Variants in RPS6KA6 observed in about 807,000 individuals in gnomAD.
RPS6KA6 encodes the protein ribosomal protein S6 kinase alpha-6.
In RPS6KA6, 27 loss-of-function variants were observed where a neutral mutation model predicts 65.4. That is an observed-to-expected ratio of 0.41 (90% CI 0.30 to 0.57). The LOEUF (loss-of-function observed/expected upper bound fraction) is 0.57, where lower values mean the gene tolerates loss of function less well. Ranked by LOEUF, RPS6KA6 falls within the 20% of genes least tolerant of loss-of-function variation. The probability of loss-of-function intolerance (pLI) is 0.24; values close to 1 mark genes in which losing one functional copy is unlikely to be tolerated. For missense variants in RPS6KA6, 486 were observed against 555.6 expected, an observed-to-expected ratio of 0.87 and a Z score of 1.26; for synonymous variants, 190 against 184.2, an observed-to-expected ratio of 1.03 and a Z score of -0.26.
At chrX:84,167,577 T>C (rs907101644) in intron 1 of RPS6KA6, among the ~76,000 whole-genome samples, 1 of 111,640 alleles carries the variant, frequency 9.0e-6, no homozygotes, top group Non-Finnish European at 1.9e-5. Flanking sequence ...AAAAGAATAA[T>C]ATACTGATAC....
At chrX:84,097,747 A>G in intron 19 of RPS6KA6, 25 bp downstream of exon 19, 1 of 976,990 alleles carries the variant, frequency 1.0e-6, no homozygotes, top group Non-Finnish European at 1.5e-6. Context: ...AACAATGTTA[A>G]TGCTTTTGAA....
At chrX:84,123,906 C>T (rs183484929) in intron 8 of RPS6KA6, among the ~76,000 whole-genome samples, 124 of 111,255 alleles carry the variant, frequency 1.1e-3, no homozygotes, top group Non-Finnish European at 1.8e-3. Context: ...GTGCTGGCTT[C>T]CGGTTTGATT....
At chrX:84,064,542 C>T (rs1001318218) in intron 21 of RPS6KA6, 140 bp from the exon 22 acceptor site, 15 of 519,147 alleles carry the variant, frequency 2.9e-5, no homozygotes, top group Non-Finnish European at 4.3e-5. Flanking sequence ...TAGATCTGTG[C>T]ACTGATGAAT....
Position 84,064,294 on chromosome X carries a change from T to A in RPS6KA6, c.2221A>T (p.Thr741Ser). 1 of 1,208,507 alleles carries A rather than the reference T, an allele frequency of 8.3e-7. No homozygotes were observed. The highest frequency in any genetic ancestry group is 1.1e-6 in the Non-Finnish European group (1 of 893,878). ...CACAAATCTTACAGGCCAGTTGATG[T>A]TCGCTTTTTCATGCTCCGTCGCTGG... ...LAQRRSMKKR[T>S]STGL is the part of the protein sequence containing the mutation. Residue 741 changes from threonine to serine, a missense_variant, in exon 22 of 22, where the codon ACA becomes TCA. By Grantham distance (58) the Thr-to-Ser change is moderately conservative. Coordinates refer to ENST00000262752, the MANE Select transcript of RPS6KA6 (RefSeq NM_014496.5).
At position 84,058,744 on chromosome X, in the gene RPS6KA6, A is replaced by C. The variant is rs941457734; in HGVS notation, c.*5533T>G. 1 of 111,887 alleles carries C rather than the reference A, an allele frequency of 8.9e-6. No homozygotes were observed. Among genetic ancestry groups the C allele is most frequent in the Non-Finnish European group, 1.9e-5 (1 of 53,196 alleles). The allele number at this position is 111,887 out of a possible 1,213,427, so 9.2% of individuals were successfully genotyped here. On this transcript the variant is annotated 3_prime_UTR_variant, in exon 22 of 22. Transcript: ENST00000262752. ...GCTTTGAAGTTTTTAAGTACACGTA[A>C]ATCAAATTCACACACAACTTTTATT...
intron 20 of RPS6KA6, among the ~76,000 whole-genome samples, chrX:84,078,978 T>TA (rs1411633016): frequency 1.8e-5 from 2 of 111,079 alleles, no homozygotes; most frequent in East Asian, 2.8e-4. Context: ...TAAAAAAAAA[T>TA]AAAAAAACTC....
intron 1 of RPS6KA6, among the ~76,000 whole-genome samples, chrX:84,173,851 T>C (rs1385281037): frequency 1.8e-5 from 2 of 111,577 alleles, no homozygotes; most frequent in South Asian, 7.5e-4. Context: ...TATGTCATAC[T>C]GTTGTGGAAA....
chrX:84,163,307 G>A, intron 2 of RPS6KA6, among the ~76,000 whole-genome samples: 1 of 111,897 alleles, frequency 8.9e-6, no homozygotes, highest in Middle Eastern at 4.6e-3. Flanking sequence ...ATACAATGAA[G>A]TATTACATAA....
rs73625971 is a variant in RPS6KA6, at chrX:84,153,185, A to G, written c.258+2890T>C. ...GAGAGTTGATCACTTATTTAAGAGT[A>G]CAAGTATTCGATATTTTCAAAAATT... On this transcript the variant is annotated intron_variant, in intron 3 of 21. Coordinates refer to ENST00000262752, the MANE Select transcript of RPS6KA6 (RefSeq NM_014496.5). Among the ~76,000 whole-genome samples the G allele has an allele frequency of 8.4e-3, 943 of 112,094 alleles. 10 individuals carry two copies. Among genetic ancestry groups the G allele is most frequent in the African/African-American group, 0.028 (861 of 30,956 alleles).
chrX:84,169,486 C>T (rs1244225534), intron 1 of RPS6KA6, among the ~76,000 whole-genome samples: 1 of 110,018 alleles, frequency 9.1e-6, no homozygotes, highest in East Asian at 2.8e-4. Flanking sequence ...GGATAGTGAA[C>T]ATATGAATAC....
intron 8 of RPS6KA6, among the ~76,000 whole-genome samples, chrX:84,131,960 T>C (rs2034905918): frequency 8.9e-6 from 1 of 111,769 alleles, no homozygotes; most frequent in African/African-American, 3.3e-5. Flanking sequence ...AAAAGCAATC[T>C]CAGTGATTAG....
intron 18 of RPS6KA6, among the ~76,000 whole-genome samples, chrX:84,099,679 TATA>T (rs2034223283): frequency 1.8e-5 from 2 of 111,492 alleles, no homozygotes; most frequent in African/African-American, 6.5e-5. Context: ...TCAGTAGGCT[TATA>T]ATAACAGTTG....
rs929729680 is a variant in RPS6KA6 at position 84,061,835 on chromosome X, G to A, written c.*2442C>T. The A allele has an allele frequency of 1.8e-5, 2 of 111,543 alleles. No homozygotes were observed. The highest frequency in any genetic ancestry group is 3.8e-5 in the Non-Finnish European group (2 of 52,995). 9.2% of individuals were successfully genotyped at this position (111,543 alleles called of 1,213,427 possible). The stretch of plus-strand genomic sequence containing the variant: ...GAAAAGATGTGTTTTTACTAGTTAA[G>A]CATTGATAGAAGTCCCATCAAAAAA... On this transcript the variant is annotated 3_prime_UTR_variant, in exon 22 of 22. Coordinates refer to ENST00000262752, the MANE Select transcript of RPS6KA6 (RefSeq NM_014496.5).
intron 19 of RPS6KA6, 58 bp from the exon 20 acceptor site, chrX:84,096,369 G>T (rs1222057971): frequency 1.6e-5 from 8 of 503,976 alleles, no homozygotes; most frequent in African/African-American, 2.5e-5. Flanking sequence ...AACAATGAAA[G>T]AGATACATAT....
chrX:84,124,711 A>G (rs1205079693), intron 8 of RPS6KA6, among the ~76,000 whole-genome samples: 1 of 111,678 alleles, frequency 9.0e-6, no homozygotes, highest in African/African-American at 3.3e-5. Flanking sequence ...TTGAATAGAA[A>G]GTAGACAGAG....
intron 20 of RPS6KA6, among the ~76,000 whole-genome samples, chrX:84,080,868 C>T (rs1392946152): frequency 9.0e-6 from 1 of 111,040 alleles, no homozygotes; most frequent in Non-Finnish European, 1.9e-5. Context: ...AACGTGCTCC[C>T]GAATGGCTAC....
intron 20 of RPS6KA6, among the ~76,000 whole-genome samples, chrX:84,091,562 G>A (rs2034044456): frequency 8.9e-6 from 1 of 112,037 alleles, no homozygotes; most frequent in Non-Finnish European, 1.9e-5. Context: ...TGAGGCTGTG[G>A]AGAAACAGGA....
intron 2 of RPS6KA6, among the ~76,000 whole-genome samples, chrX:84,159,570 C>T (rs900196569): frequency 1.0e-3 from 115 of 111,120 alleles, no homozygotes; most frequent in African/African-American, 3.6e-3. Context: ...TATTATCAGA[C>T]ACTGTGCTGC....
chrX:84,148,074 G>T lies in RPS6KA6; in HGVS notation c.308C>A (p.Ala103Glu). The change falls in exon 4 of 22, where the codon GCA becomes GAA. Residue 103 changes from alanine to glutamate, a missense_variant. Ala to Glu is a moderately radical substitution (Grantham distance 107). This residue lies in a region of RPS6KA6 where 106 missense variants were observed against 105.0 expected (regional missense o/e 1.01). Coordinates refer to ENST00000262752, the MANE Select transcript of RPS6KA6 (RefSeq NM_014496.5). Reference protein sequence around the residue: ...KTGPDAGQLYAMKVLKKASLK... With the variant: ...KTGPDAGQLYEMKVLKKASLK... Reference sequence around the variant, plus strand: ...AGAGGCTTTTTTTAACACCTTCATTGCATAGAGCTGCCCAGCATCAGGACC... The same window carrying T: ...AGAGGCTTTTTTTAACACCTTCATTTCATAGAGCTGCCCAGCATCAGGACC... 1 of 1,178,990 alleles carries T rather than the reference G, an allele frequency of 8.5e-7. No individual in the cohort carries two copies. Among genetic ancestry groups the T allele is most frequent in the Admixed American group, 2.3e-5 (1 of 42,601 alleles).
Sources: gnomAD v4.1 joint callset for allele counts (sites outside exome capture counted in the v4.1 genomes callset) on GRCh38, gnomAD v4.1.1 for gene constraint, gnomAD v4.1.1 regional missense constraint, MANE v1.5 for transcripts, NCBI Gene and HGNC (gene_info 2026-07-23, HGNC 2026-07-21) for gene names.